Variants in RNF217 observed in about 807,000 individuals in gnomAD.
The protein encoded by RNF217 is E3 ubiquitin-protein ligase RNF217.
In RNF217, 31 loss-of-function variants were observed where a neutral mutation model predicts 57.8. The observed-to-expected ratio is 0.54, with a 90% CI of 0.40 to 0.72. RNF217 has a LOEUF of 0.72. Among genes scored for constraint, RNF217 ranks in the 30% least tolerant of loss-of-function variants. The pLI is 0.00. For missense variants in RNF217, 696 were observed against 708.3 expected, an observed-to-expected ratio of 0.98 and a Z score of 0.20; for synonymous variants, 313 against 294.0, an observed-to-expected ratio of 1.06 and a Z score of -0.66.
chr6:125,034,272 T>G (rs996129515), intron 1 of RNF217, among the ~76,000 whole-genome samples: 1 of 152,216 alleles, frequency 6.6e-6, no homozygotes, highest in Admixed American at 6.5e-5. Context: ...TCTTTGCCCA[T>G]GCCTATGTCC....
At chr6:125,051,522 C>T (rs1253259339) in intron 2 of RNF217, among the ~76,000 whole-genome samples, 1 of 152,046 alleles carries the variant, frequency 6.6e-6, no homozygotes, top group Admixed American at 6.6e-5. Flanking sequence ...ACACAGTGCA[C>T]GGATCCCCTC....
At chr6:125,001,780 G>A (rs1201641335) in intron 1 of RNF217, among the ~76,000 whole-genome samples, 1 of 152,168 alleles carries the variant, frequency 6.6e-6, no homozygotes, top group Non-Finnish European at 1.5e-5. Flanking sequence ...TATTATTTGT[G>A]CTGAGAGAGG....
At chr6:125,047,598 C>G (rs372851290) in intron 2 of RNF217, among the ~76,000 whole-genome samples, 10 of 152,086 alleles carry the variant, frequency 6.6e-5, no homozygotes, top group Admixed American at 3.9e-4. Flanking sequence ...TCAATTGATT[C>G]CTTTTGATTA....
intron 3 of RNF217, among the ~76,000 whole-genome samples, chr6:125,073,935 A>G (rs1788248810): frequency 6.6e-6 from 1 of 152,158 alleles, no homozygotes; most frequent in Non-Finnish European, 1.5e-5. Flanking sequence ...CTAACTTGAC[A>G]CTTGGGAGAG....
At chr6:124,988,041 C>T (rs1784421057) in intron 1 of RNF217, among the ~76,000 whole-genome samples, 1 of 152,086 alleles carries the variant, frequency 6.6e-6, no homozygotes, top group East Asian at 1.9e-4. Flanking sequence ...CTCGGGTGAG[C>T]GAGCATTACC....
chr6:125,092,052 TG>T lies in RNF217; in HGVS notation c.*9116del. 1 of 152,180 alleles carries T rather than the reference TG, an allele frequency of 6.6e-6. No individual in the cohort carries two copies. Among genetic ancestry groups the T allele is most frequent in the South Asian group, 2.1e-4 (1 of 4,824 alleles). 9.4% of individuals were successfully genotyped at this position (152,180 alleles called of 1,614,324 possible). On this transcript the variant is annotated 3_prime_UTR_variant, in exon 6 of 6. Transcript: ENST00000521654. ...CAAAGACAGGTTGTATATGCAGTTA[TG>T]TGTAAATATTTGACAAAGAAAAAAA...
intron 1 of RNF217, among the ~76,000 whole-genome samples, chr6:125,043,499 C>T (rs923493469): frequency 1.3e-5 from 2 of 151,908 alleles, no homozygotes; most frequent in African/African-American, 4.8e-5. Context: ...GTACCTAGCC[C>T]GTACCTGCCT....
In RNF217 at chr6:124,963,430, A is replaced by G; in HGVS notation, c.882+4A>G. Reference sequence around the variant, plus strand: ...CAAAGTCTACCTGAGCGCCCAGGTAACTTCACCCCCTTCTCTTCCCCATTT... The same window carrying G: ...CAAAGTCTACCTGAGCGCCCAGGTAGCTTCACCCCCTTCTCTTCCCCATTT... On this transcript the variant is annotated splice_donor_region_variant and intron_variant, in intron 1 of 5. Coordinates refer to ENST00000521654, the MANE Select transcript of RNF217 (RefSeq NM_001286398.3). 6.9e-7 allele frequency: 1 copy of G among 1,453,524 alleles called. No homozygotes were observed. The highest frequency in any genetic ancestry group is 9.0e-7 in the Non-Finnish European group (1 of 1,106,998). 90.0% of individuals were successfully genotyped at this position (1,453,524 alleles called of 1,614,324 possible).
chr6:125,058,055 C>A lies in RNF217; in HGVS notation c.1230C>A (p.Ala410=). The part of the protein sequence containing the change: ...KKGDKLLRHW[A]SEIEHGQRNA... ...GAGACAAATTGTTGCGTCACTGGGC[C>A]AGCGAAATTGAGCATGGGCAGAGGA... The change falls in exon 3 of 6, where the codon GCC becomes GCA. Residue 410 remains alanine, a synonymous_variant. Transcript: ENST00000521654. The A allele has an allele frequency of 6.2e-7, 1 of 1,613,386 alleles. No individual in the cohort carries two copies.
At chr6:125,010,546 A>G (rs1163862506) in intron 1 of RNF217, among the ~76,000 whole-genome samples, 4 of 152,202 alleles carry the variant, frequency 2.6e-5, no homozygotes, top group Non-Finnish European at 4.4e-5. Context: ...TTTCACATTA[A>G]ATCTCCAGGA....
intron 1 of RNF217, among the ~76,000 whole-genome samples, chr6:124,995,275 C>T (rs1050702179): frequency 1.3e-5 from 2 of 152,080 alleles, no homozygotes; most frequent in African/African-American, 4.8e-5. Context: ...AATGAAAGCT[C>T]ACATAAAAAA....
chr6:125,033,634 G>A (rs1169572529), intron 1 of RNF217, among the ~76,000 whole-genome samples: 1 of 151,754 alleles, frequency 6.6e-6, no homozygotes, highest in Non-Finnish European at 1.5e-5. Context: ...TTGCTACTGT[G>A]AATAGTGCCG....
chr6:125,004,064 G>GTT (rs11451710), intron 1 of RNF217, among the ~76,000 whole-genome samples: 1 of 152,070 alleles, frequency 6.6e-6, no homozygotes, highest in Non-Finnish European at 1.5e-5. Context: ...AGGGGTTACA[G>GTT]TTTTTTTCTT....
chr6:124,982,507 C>T (rs1323993150), intron 1 of RNF217, among the ~76,000 whole-genome samples: 1 of 151,828 alleles, frequency 6.6e-6, no homozygotes, highest in East Asian at 1.9e-4. Flanking sequence ...TGGGAAAATT[C>T]TGTAGTCTAA....
chr6:125,083,454 T>C lies in RNF217; in HGVS notation c.*517T>C, dbSNP rs1788676283. The stretch of plus-strand genomic sequence containing the variant: ...TAATTCTTTTATCTTTCAAATGTTA[T>C]AATTGCAAAAAATCTCAATGTCCAA... On this transcript the variant is annotated 3_prime_UTR_variant, in exon 6 of 6. Coordinates refer to ENST00000521654, the MANE Select transcript of RNF217 (RefSeq NM_001286398.3). The C allele has an allele frequency of 6.6e-6, 1 of 152,152 alleles. No homozygotes were observed. Among genetic ancestry groups the C allele is most frequent in the African/African-American group, 2.4e-5 (1 of 41,440 alleles). The allele number at this position is 152,152 out of a possible 1,614,324, so 9.4% of individuals were successfully genotyped here.
At chr6:125,072,009 T>C (rs1254819711) in intron 3 of RNF217, among the ~76,000 whole-genome samples, 1 of 152,210 alleles carries the variant, frequency 6.6e-6, no homozygotes, top group East Asian at 1.9e-4. Flanking sequence ...AAATGAACTT[T>C]CTGTAAATAT....
At chr6:125,019,832 GT>G (rs753167699) in intron 1 of RNF217, among the ~76,000 whole-genome samples, 1,719 of 113,726 alleles carry the variant, frequency 0.015, 40 homozygotes, top group Middle Eastern at 0.047. Flanking sequence ...CTTTTTTGCA[GT>G]GGGGGGGGAG....
chr6:125,057,374 G>C (rs535022144), intron 2 of RNF217, among the ~76,000 whole-genome samples: 2 of 152,056 alleles, frequency 1.3e-5, no homozygotes, highest in African/African-American at 4.8e-5. Context: ...TAGAGATGGG[G>C]TTTCACCATG....
At chr6:125,038,978 C>G (rs937799894) in intron 1 of RNF217, among the ~76,000 whole-genome samples, 4 of 152,042 alleles carry the variant, frequency 2.6e-5, no homozygotes, top group African/African-American at 9.7e-5. Context: ...TCCTAATGCT[C>G]TCCCTCCCTC....
Sources: allele counts gnomAD v4.1 joint callset (sites outside exome capture counted in the v4.1 genomes callset), GRCh38; gene constraint gnomAD v4.1.1; transcripts MANE v1.5; gene names NCBI Gene and HGNC (gene_info 2026-07-23, HGNC 2026-07-21).